The following RB1 variants were observed in gnomAD, a reference collection of about 807,000 sequenced individuals.
RB1 encodes RB transcriptional corepressor 1.
A neutral mutation model predicts 135.4 loss-of-function variants in RB1; 18 were observed. That is an observed-to-expected ratio of 0.13 (90% CI 0.09 to 0.20). The LOEUF is 0.20. Among genes scored for constraint, RB1 ranks in the 10% least tolerant of loss-of-function variants. The pLI, the probability that RB1 is intolerant of heterozygous loss-of-function variation, is 1.00. For missense variants in RB1, 868 were observed against 1,110.0 expected, an observed-to-expected ratio of 0.78 and a Z score of 3.10; for synonymous variants, 365 against 373.2, an observed-to-expected ratio of 0.98 and a Z score of 0.25.
rs2138034546 is a variant in RB1 at position 48,307,395 on chromosome 13, G to T, written c.253G>T (p.Asp85Tyr). Reference sequence around the variant, plus strand: ...AACTTGGGAGAAAGTTTCATCTGTGGATGGAGTATTGGTAAGGATTTTCTT... The same window carrying T: ...AACTTGGGAGAAAGTTTCATCTGTGTATGGAGTATTGGTAAGGATTTTCTT... Reference protein sequence around the residue: ...WLTWEKVSSVDGVLGGYIQKK... With the variant: ...WLTWEKVSSVYGVLGGYIQKK... The change falls in exon 2 of 27, where the codon GAT (aspartate) becomes TAT (tyrosine). Residue 85 changes from aspartate to tyrosine, a missense_variant. Transcript: ENST00000267163. 6.2e-7 allele frequency: 1 copy of T among 1,613,426 alleles called. No individual in the cohort carries two copies. Among genetic ancestry groups the T allele is most frequent in the Non-Finnish European group, 8.5e-7 (1 of 1,179,596 alleles).
At chr13:48,320,370 G>T in intron 2 of RB1, 1 of 1,224,446 alleles carries the variant, frequency 8.2e-7, no homozygotes, top group Non-Finnish European at 1.2e-6. Context: ...CCACCCCCTC[G>T]TCAGCCTCCG....
chr13:48,304,136 C>T (rs1952056431), intron 1 of RB1, 87 bp downstream of exon 1: 1 of 1,279,828 alleles, frequency 7.8e-7, no homozygotes, highest in East Asian at 3.2e-5. Flanking sequence ...CGGCGGGGAT[C>T]CGTCCTCGCC....
intron 6 of RB1, among the ~76,000 whole-genome samples, chr13:48,352,368 GTT>G (rs201652377): frequency 1.8e-4 from 26 of 145,220 alleles, no homozygotes; most frequent in South Asian, 1.1e-3. Context: ...TTTTAAAATA[GTT>G]TTTTTTTTTT....
chr13:48,370,736 G>T (rs1268745128), intron 11 of RB1, among the ~76,000 whole-genome samples: 1 of 152,122 alleles, frequency 6.6e-6, no homozygotes, highest in Admixed American at 6.5e-5. Flanking sequence ...GGGTTTTTAT[G>T]GAGGCCTCAT....
chr13:48,395,921 A>T (rs1364813340), intron 17 of RB1, among the ~76,000 whole-genome samples: 1 of 152,186 alleles, frequency 6.6e-6, no homozygotes, highest in African/African-American at 2.4e-5. Flanking sequence ...ACCCCAGGAC[A>T]TATAATCGTC....
At position 48,303,925 on chromosome 13, in the gene RB1, A is replaced by T. The variant is rs898303682; in HGVS notation, c.13A>T (p.Thr5Ser). 6.7e-7 allele frequency: 1 copy of T among 1,497,196 alleles called. No individual in the cohort carries two copies. 92.7% of individuals were successfully genotyped at this position (1,497,196 alleles called of 1,614,324 possible). Reference sequence around the variant, plus strand: ...GCGGAAAGGCGTCATGCCGCCCAAAACCCCCCGAAAAACGGCCGCCACCGC... The same window carrying T: ...GCGGAAAGGCGTCATGCCGCCCAAATCCCCCCGAAAAACGGCCGCCACCGC... MPPKTPRKTAATAAA... is the reference protein window; with the variant it reads MPPKSPRKTAATAAA... Residue 5 changes from threonine to serine, a missense_variant, in exon 1 of 27, where the codon ACC (threonine) becomes TCC (serine). Coordinates refer to ENST00000267163, the MANE Select transcript of RB1 (RefSeq NM_000321.3).
At chr13:48,437,461 A>T (rs1949195455) in intron 17 of RB1, among the ~76,000 whole-genome samples, 3 of 152,222 alleles carry the variant, frequency 2.0e-5, no homozygotes, top group Admixed American at 2.0e-4. Context: ...AAGTCGGGAA[A>T]CTGGGAGTGG....
chr13:48,435,521 T>C (rs1331140781), intron 17 of RB1, among the ~76,000 whole-genome samples: 2 of 152,204 alleles, frequency 1.3e-5, no homozygotes, highest in Non-Finnish European at 2.9e-5. Context: ...CTGTAGCTTC[T>C]TTCTTCATCT....
chr13:48,380,847 A>T (rs1948529452), intron 16 of RB1, among the ~76,000 whole-genome samples: 1 of 152,150 alleles, frequency 6.6e-6, no homozygotes, highest in African/African-American at 2.4e-5. Context: ...TAACCAAGAA[A>T]TGCATATTTT....
At chr13:48,418,661 G>T (rs1423474154) in intron 17 of RB1, among the ~76,000 whole-genome samples, 14 of 150,692 alleles carry the variant, frequency 9.3e-5, no homozygotes, top group Admixed American at 9.3e-4. Context: ...GCAAAGACAC[G>T]TGCTCTAAAT....
chr13:48,459,605 T>C (rs1055158512), intron 19 of RB1, 83 bp from the exon 20 acceptor site: 6 of 1,404,388 alleles, frequency 4.3e-6, no homozygotes, highest in Non-Finnish European at 6.1e-6. Context: ...GCATTATAAT[T>C]AGAGCGATTT....
chr13:48,329,901 C>T (rs770738403), intron 2 of RB1, among the ~76,000 whole-genome samples: 10 of 152,168 alleles, frequency 6.6e-5, no homozygotes, highest in Middle Eastern at 3.4e-3. Flanking sequence ...ATACATGGAA[C>T]ATTCTCCAGG....
intron 6 of RB1, among the ~76,000 whole-genome samples, chr13:48,358,297 C>T (rs1187520139): frequency 6.6e-6 from 1 of 152,022 alleles, no homozygotes; most frequent in Non-Finnish European, 1.5e-5. Context: ...AATCACTGTG[C>T]TTTTCCCCCT....
At chr13:48,454,456 T>C (rs1359378032) in intron 18 of RB1, among the ~76,000 whole-genome samples, 1 of 152,226 alleles carries the variant, frequency 6.6e-6, no homozygotes, top group Non-Finnish European at 1.5e-5. Context: ...AGCCTTGTTT[T>C]TTTAAAATTC....
intron 17 of RB1, chr13:48,411,864 A>G (rs763842272): frequency 6.2e-7 from 1 of 1,613,964 alleles, no homozygotes; most frequent in Non-Finnish European, 8.5e-7. Context: ...TATTTCGATG[A>G]AAATTACAAT....
chr13:48,446,648 G>A (rs952886209), intron 17 of RB1, among the ~76,000 whole-genome samples: 1 of 152,134 alleles, frequency 6.6e-6, no homozygotes, highest in Non-Finnish European at 1.5e-5. Flanking sequence ...TGTGAATAAT[G>A]GAGTGGGGTG....
chr13:48,481,218 A>G lies in RB1; in HGVS notation c.*1147A>G, dbSNP rs1204167655. Reference sequence around the variant, plus strand: ...GTATGGTCTAACACTGGCATGTTCAAAGCCACATTATTTCTAGTCCAAAAT... The same window carrying G: ...GTATGGTCTAACACTGGCATGTTCAGAGCCACATTATTTCTAGTCCAAAAT... On this transcript the variant is annotated 3_prime_UTR_variant, in exon 27 of 27. Transcript: ENST00000267163. The G allele has an allele frequency of 4.3e-6, 1 of 231,724 alleles. No homozygotes were observed. The highest frequency in any genetic ancestry group is 2.2e-5 in the African/African-American group (1 of 45,222). The allele number at this position is 231,724 out of a possible 1,614,324, so 14.4% of individuals were successfully genotyped here.
intron 23 of RB1, among the ~76,000 whole-genome samples, chr13:48,466,135 C>A (rs1294526813): frequency 1.4e-5 from 2 of 148,038 alleles, no homozygotes; most frequent in East Asian, 2.0e-4. Flanking sequence ...ACAGCAGTAA[C>A]CTCTGCAGAC....
chr13:48,357,325 C>A (rs141916740), intron 6 of RB1, among the ~76,000 whole-genome samples: 238 of 151,934 alleles, frequency 1.6e-3, no homozygotes, highest in Non-Finnish European at 2.6e-3. Flanking sequence ...TTATCTCAAG[C>A]ATTTTTTCCA....
Sources: allele counts gnomAD v4.1 joint callset (sites outside exome capture counted in the v4.1 genomes callset), GRCh38; gene constraint gnomAD v4.1.1; transcripts MANE v1.5; gene names NCBI Gene and HGNC (gene_info 2026-07-23, HGNC 2026-07-21).